The following XKR3 variants were observed in gnomAD, a reference collection of about 807,000 sequenced individuals.
The protein encoded by XKR3 is XK related 3, also known as XK-related protein 3.
XKR3 carries 27 observed loss-of-function variants against 40.3 expected under a neutral mutation model. The observed-to-expected ratio is 0.67, with a 90% confidence interval of 0.49 to 0.92. XKR3 has a LOEUF of 0.92. Among genes scored for constraint, XKR3 ranks in the 40% least tolerant of loss-of-function variants. The probability of loss-of-function intolerance (pLI) is 0.00; values close to 1 mark genes in which losing one functional copy is unlikely to be tolerated. For missense variants in XKR3, 472 were observed against 537.6 expected (o/e 0.88, Z 1.21); for synonymous variants, 193 against 195.4 (o/e 0.99, Z 0.10).
chr22:16,816,668 A>G (rs738044), intron 1 of XKR3, among the ~76,000 whole-genome samples: 29,672 of 151,848 alleles, frequency 0.2, 3,546 homozygotes, highest in Middle Eastern at 0.3. Context: ...TGAAAAATGT[A>G]TTTTTATTAA....
chr22:16,791,900 C>T (rs1415378071), intron 3 of XKR3, among the ~76,000 whole-genome samples: 8 of 95,672 alleles, frequency 8.4e-5, no homozygotes, highest in African/African-American at 3.2e-4. Flanking sequence ...ACCACTGGTA[C>T]CATTTTCTTT....
intron 1 of XKR3, among the ~76,000 whole-genome samples, chr22:16,822,445 A>G (rs2060260939): frequency 1.3e-5 from 2 of 152,218 alleles, no homozygotes; most frequent in African/African-American, 4.8e-5. Context: ...CAAGTAACAC[A>G]TGGAGAAAAC....
intron 2 of XKR3, among the ~76,000 whole-genome samples, chr22:16,805,308 T>G (rs1488433067): frequency 6.6e-6 from 1 of 152,230 alleles, no homozygotes; most frequent in Non-Finnish European, 1.5e-5. Flanking sequence ...TTGAGAATGA[T>G]GCTTTAAAAA....
chr22:16,785,619 C>T (rs2060087024), intron 3 of XKR3, among the ~76,000 whole-genome samples: 2 of 152,134 alleles, frequency 1.3e-5, no homozygotes, highest in Admixed American at 6.5e-5. Flanking sequence ...AATCCCAGCA[C>T]TTTGGGATGC....
intron 1 of XKR3, among the ~76,000 whole-genome samples, chr22:16,813,955 TTAGCTC>T (rs2060223154): frequency 6.6e-6 from 1 of 152,212 alleles, no homozygotes. Flanking sequence ...TTTCCTATGC[TTAGCTC>T]TAGATATGAT....
intron 2 of XKR3, among the ~76,000 whole-genome samples, chr22:16,803,070 C>T (rs994078949): frequency 6.5e-4 from 71 of 109,114 alleles, no homozygotes; most frequent in Non-Finnish European, 1.4e-3. Context: ...GTAGTGTCCT[C>T]AATTGACATA....
rs775866514 is a variant in XKR3, at chr22:16,783,958, G to T, written c.1041C>A (p.His347Gln). ...CATTTTCTAAAAACTGAAAGCTGTAGTGTAGGATTCTATGGCCCCACCTCT... is the reference window on the plus strand; with the variant it reads ...CATTTTCTAAAAACTGAAAGCTGTATTGTAGGATTCTATGGCCCCACCTCT... ...GRQRWGHRIL[H>Q]YSFQFLENVI... The change falls in exon 4 of 4, where the codon CAC becomes CAA. Residue 347 changes from histidine (H) to glutamine (Q), a missense_variant. Coordinates refer to ENST00000684488, the MANE Select transcript of XKR3 (RefSeq NM_001386955.1). 1 of 1,614,086 alleles carries T rather than the reference G, an allele frequency of 6.2e-7. No individual in the cohort carries two copies. Among genetic ancestry groups the T allele is most frequent in the Admixed American group, 1.7e-5 (1 of 60,000 alleles).
intron 1 of XKR3, among the ~76,000 whole-genome samples, chr22:16,817,723 T>A (rs538375211): frequency 6.6e-6 from 1 of 152,328 alleles, no homozygotes; most frequent in African/African-American, 2.4e-5. Flanking sequence ...ATCTCACAGA[T>A]GTTTTCTTTC....
chr22:16,798,812 T>C (rs979210272), intron 3 of XKR3, among the ~76,000 whole-genome samples: 1 of 152,138 alleles, frequency 6.6e-6, no homozygotes, highest in Non-Finnish European at 1.5e-5. Context: ...TCAGCACACC[T>C]GAACTTAAAT....
At chr22:16,793,100 C>T (rs1163074308) in intron 3 of XKR3, among the ~76,000 whole-genome samples, 1 of 152,202 alleles carries the variant, frequency 6.6e-6, no homozygotes, top group Non-Finnish European at 1.5e-5. Flanking sequence ...GCAACCTCTG[C>T]CTCCCGGTTT....
Position 16,790,991 on chromosome 22 carries a change from G to A in XKR3, c.590-6582C>T, listed in dbSNP as rs746572010. 2.7e-3 allele frequency among the ~76,000 whole-genome samples: 409 copies of A among 151,988 alleles called. 3 individuals are homozygous for A. The highest frequency in any genetic ancestry group is 4.6e-3 in the Non-Finnish European group (315 of 67,960). ...CATTTTACTCCATGAACAGTTTGGA[G>A]CTTCCTCAAAAATTAGAAATTAGTA... On this transcript the variant is annotated intron_variant, in intron 3 of 3. Coordinates refer to ENST00000684488, the MANE Select transcript of XKR3 (RefSeq NM_001386955.1).
chr22:16,807,752 C>G lies in XKR3; in HGVS notation c.322G>C (p.Gly108Arg). The G allele has an allele frequency of 1.2e-6, 2 of 1,602,422 alleles. No homozygotes were observed. Among genetic ancestry groups the G allele is most frequent in the Non-Finnish European group, 1.7e-6 (2 of 1,173,676 alleles). Residue 108 changes from glycine to arginine, a missense_variant, in exon 2 of 4, where the codon GGA (glycine) becomes CGA (arginine). By Grantham distance (125) the Gly-to-Arg change is moderately radical. Transcript: ENST00000684488. ...TGTGTCACTTACCTCACAATAGGTC[C>G]TAAAAGAAGAATGTGCCAAAAAAGT... ...ALLFWHILLL[G>R]PIVRCLHTIR... is the part of the protein sequence containing the mutation.
chr22:16,792,952 T>C (rs1322095762), intron 3 of XKR3, among the ~76,000 whole-genome samples: 1 of 152,270 alleles, frequency 6.6e-6, no homozygotes, highest in Non-Finnish European at 1.5e-5. Flanking sequence ...TATTCACGTA[T>C]ACTTGAATGG....
At chr22:16,812,616 A>G (rs1475961677) in intron 1 of XKR3, among the ~76,000 whole-genome samples, 1 of 152,202 alleles carries the variant, frequency 6.6e-6, no homozygotes, top group African/African-American at 2.4e-5. Flanking sequence ...CAGAGGTTGC[A>G]GTGAGCTGAG....
chr22:16,809,637 AT>A (rs1044209272), intron 1 of XKR3, among the ~76,000 whole-genome samples: 22 of 152,372 alleles, frequency 1.4e-4, no homozygotes, highest in African/African-American at 4.8e-4. Context: ...TTTGCCATTG[AT>A]AATATGCTCT....
At chr22:16,803,742 T>A (rs1318107625) in intron 2 of XKR3, among the ~76,000 whole-genome samples, 2 of 152,252 alleles carry the variant, frequency 1.3e-5, no homozygotes, top group East Asian at 1.9e-4. Context: ...CATGGCAACA[T>A]CAGGAAGTTA....
In XKR3 at chr22:16,813,285, AAAAAAAC is replaced by A. The variant is rs201074951; in HGVS notation, c.-10-5209_-10-5203del. The stretch of plus-strand genomic sequence containing the variant: ...GGCGGCAGAGGAAGACTCTGGCTCA[AAAAAAAC>A]AAAAAACAAAAAACAAACAAACAAA... On this transcript the variant is annotated intron_variant, in intron 1 of 3. Transcript: ENST00000684488. 5.1e-3 allele frequency among the ~76,000 whole-genome samples: 775 copies of A among 152,182 alleles called. 3 individuals are homozygous for A. The highest frequency in any genetic ancestry group is 0.024 in the Middle Eastern group (7 of 294).
At chr22:16,813,310 C>CA (rs202216670) in intron 1 of XKR3, among the ~76,000 whole-genome samples, 21 of 150,672 alleles carry the variant, frequency 1.4e-4, no homozygotes, top group African/African-American at 4.2e-4. Context: ...AAAAAACAAA[C>CA]AAACAAAAAA....
At chr22:16,817,017 A>AT (rs2060236455) in intron 1 of XKR3, among the ~76,000 whole-genome samples, 1 of 152,040 alleles carries the variant, frequency 6.6e-6, no homozygotes, top group Non-Finnish European at 1.5e-5. Flanking sequence ...ACATTTATGT[A>AT]TTTTCCCCCA....
Sources: gnomAD v4.1 joint callset for allele counts (sites outside exome capture counted in the v4.1 genomes callset) on GRCh38, gnomAD v4.1.1 for gene constraint, MANE v1.5 for transcripts, NCBI Gene and HGNC (gene_info 2026-07-23, HGNC 2026-07-21) for gene names.